Variants in DOCK7 observed in about 807,000 individuals in gnomAD.
DOCK7 encodes dedicator of cytokinesis protein 7.
Under a neutral mutation model 271.0 loss-of-function variants are expected in DOCK7, and 138 were observed. The observed-to-expected ratio is 0.51, with a 90% CI of 0.44 to 0.59. The LOEUF (loss-of-function observed/expected upper bound fraction) is 0.59, where lower values mean the gene tolerates loss of function less well. Ranked by LOEUF, DOCK7 falls within the 20% of genes least tolerant of loss-of-function variation. DOCK7 has a pLI of 0.00. For synonymous variants in DOCK7, 823 were observed against 876.1 expected (o/e 0.94, Z 1.07); for missense variants, 2,066 against 2,592.4 (o/e 0.80, Z 4.41).
intron 22 of DOCK7, among the ~76,000 whole-genome samples, chr1:62,545,259 A>G (rs2149404817): frequency 6.6e-6 from 1 of 152,288 alleles, no homozygotes; most frequent in African/African-American, 2.4e-5. Context: ...CATTAAGTAT[A>G]GTATTTAAAG....
At chr1:62,687,421 G>C (rs1228763325) in intron 1 of DOCK7, among the ~76,000 whole-genome samples, 2 of 152,210 alleles carry the variant, frequency 1.3e-5, no homozygotes, top group East Asian at 1.9e-4. Context: ...TTTACTTCAA[G>C]ACTGCTAACA....
chr1:62,623,303 T>C (rs1438546031), intron 12 of DOCK7, among the ~76,000 whole-genome samples: 4 of 152,370 alleles, frequency 2.6e-5, no homozygotes, highest in South Asian at 2.1e-4. Context: ...AAATAGTATA[T>C]GCTCATGGTT....
chr1:62,502,792 G>T (rs1175449508), intron 37 of DOCK7, among the ~76,000 whole-genome samples: 1 of 151,982 alleles, frequency 6.6e-6, no homozygotes, highest in Non-Finnish European at 1.5e-5. Flanking sequence ...AAGAGGGAAA[G>T]GCATAACAAA....
chr1:62,582,325 C>T (rs950246884), intron 16 of DOCK7, among the ~76,000 whole-genome samples: 17 of 151,076 alleles, frequency 1.1e-4, no homozygotes, highest in Non-Finnish European at 2.4e-4. Flanking sequence ...CCGAGGCGGG[C>T]GGATCACGAG....
At chr1:62,551,738 C>G (rs1422003889) in intron 22 of DOCK7, among the ~76,000 whole-genome samples, 1 of 151,718 alleles carries the variant, frequency 6.6e-6, no homozygotes, top group African/African-American at 2.4e-5. Flanking sequence ...TAGGACAAGG[C>G]TGACAAATTC....
At chr1:62,524,387 G>C (rs1644938712) in intron 31 of DOCK7, among the ~76,000 whole-genome samples, 1 of 152,028 alleles carries the variant, frequency 6.6e-6, no homozygotes, top group African/African-American at 2.4e-5. Flanking sequence ...CTAAATAAAA[G>C]TATATATATG....
In DOCK7 at chr1:62,455,259, G is replaced by C. The variant is rs79913813; in HGVS notation, c.*155C>G. On this transcript the variant is annotated 3_prime_UTR_variant, in exon 50 of 50. Transcript: ENST00000635253. The stretch of plus-strand genomic sequence containing the variant: ...GAAACCATAGCCATGATTCTCAAGC[G>C]TTAACAATCTACATTTGATATTTTC... 5.0e-6 allele frequency: 4 copies of C among 801,216 alleles called. No individual in the cohort carries two copies. Among genetic ancestry groups the C allele is most frequent in the Non-Finnish European group, 8.4e-6 (4 of 474,254 alleles). The allele number at this position is 801,216 out of a possible 1,614,324, so 49.6% of individuals were successfully genotyped here.
intron 1 of DOCK7, among the ~76,000 whole-genome samples, chr1:62,673,560 A>C (rs1660232538): frequency 1.3e-5 from 2 of 152,210 alleles, no homozygotes; most frequent in Admixed American, 6.5e-5. Context: ...AGAGAAAAGA[A>C]AAGTATCTAC....
chr1:62,513,440 T>G lies in DOCK7; in HGVS notation c.4282+4A>C, dbSNP rs1176020913. The G allele has an allele frequency of 6.3e-7, 1 of 1,584,026 alleles. No individual in the cohort carries two copies. Among genetic ancestry groups the G allele is most frequent in the Admixed American group, 2.0e-5 (1 of 51,162 alleles). ...CAACTCAAGGAAATTGAAGAAATTC[T>G]CACCAGGAGGAGAAGCTATTGTGTA... On this transcript the variant is annotated splice_donor_region_variant and intron_variant, in intron 33 of 49. Coordinates refer to ENST00000635253, the MANE Select transcript of DOCK7 (RefSeq NM_001367561.1).
At chr1:62,475,601 G>T in intron 46 of DOCK7, 106 bp downstream of exon 46, 1 of 1,165,380 alleles carries the variant, frequency 8.6e-7, no homozygotes, top group Non-Finnish European at 1.2e-6. Context: ...GTTCTAATAT[G>T]TTATGGTATA....
chr1:62,681,327 T>C (rs1312036512), intron 1 of DOCK7, among the ~76,000 whole-genome samples: 17 of 140,236 alleles, frequency 1.2e-4, no homozygotes, highest in East Asian at 2.2e-4. Context: ...TAGGTGGGAA[T>C]TGAACAATGA....
At chr1:62,559,780 C>T (rs1026679181) in intron 19 of DOCK7, among the ~76,000 whole-genome samples, 3 of 152,152 alleles carry the variant, frequency 2.0e-5, no homozygotes, top group African/African-American at 7.2e-5. Flanking sequence ...GTCCTGTTTA[C>T]AAGTTTGGCC....
intron 37 of DOCK7, among the ~76,000 whole-genome samples, chr1:62,498,463 C>T (rs971909550): frequency 2.0e-5 from 3 of 152,078 alleles, no homozygotes; most frequent in African/African-American, 4.8e-5. Flanking sequence ...GTGCTTATCT[C>T]GCATTATATT....
At position 62,656,710 on chromosome 1, in the gene DOCK7, T is replaced by C. The variant is rs1658057708; in HGVS notation, c.145-2551A>G. 2.1e-5 allele frequency among the ~76,000 whole-genome samples: 3 copies of C among 142,760 alleles called. No individual in the cohort carries two copies. In the South Asian group the frequency reaches 7.4e-4, roughly 35 times the overall value. 93.7% of individuals were successfully genotyped at this position (142,760 alleles called of 152,430 possible). A position where few individuals can be genotyped will look rare whatever the true frequency, so the allele number is the denominator to read the frequency against. ...GGGAATGGCATGACAGTGAGTTACT[T>C]CAAAATTTCTTTTTGCCTTATACAT... On this transcript the variant is annotated intron_variant, in intron 2 of 49. Coordinates refer to ENST00000635253, the MANE Select transcript of DOCK7 (RefSeq NM_001367561.1).
intron 48 of DOCK7, among the ~76,000 whole-genome samples, chr1:62,459,925 A>G (rs562318497): frequency 5.0e-4 from 76 of 152,036 alleles, no homozygotes; most frequent in East Asian, 3.9e-3. Flanking sequence ...GTGAAACCCC[A>G]TCTCTACTAA....
At chr1:62,604,386 T>G (rs1034199747) in intron 14 of DOCK7, 17 of 1,007,718 alleles carry the variant, frequency 1.7e-5, no homozygotes, top group African/African-American at 6.5e-5. Context: ...ATAATGAAAG[T>G]GTTCATTCTA....
At chr1:62,548,771 C>A (rs1645796668) in intron 22 of DOCK7, among the ~76,000 whole-genome samples, 1 of 152,136 alleles carries the variant, frequency 6.6e-6, no homozygotes, top group Admixed American at 6.5e-5. Context: ...GTGAACAGAG[C>A]ACAGGGTAGA....
intron 4 of DOCK7, among the ~76,000 whole-genome samples, chr1:62,651,252 A>G (rs1216523478): frequency 7.4e-6 from 1 of 135,332 alleles, no homozygotes; most frequent in Non-Finnish European, 1.5e-5. Flanking sequence ...CAATGAGAAC[A>G]TGTGGAGACA....
intron 21 of DOCK7, 148 bp downstream of exon 21, chr1:62,555,677 C>T (rs1646116792): frequency 3.8e-6 from 3 of 790,406 alleles, no homozygotes; most frequent in South Asian, 2.4e-5. Context: ...AACTTCAGCA[C>T]CTAGCACAGT....
Sources: allele counts gnomAD v4.1 joint callset (sites outside exome capture counted in the v4.1 genomes callset), GRCh38; gene constraint gnomAD v4.1.1; transcripts MANE v1.5; gene names NCBI Gene and HGNC (gene_info 2026-07-23, HGNC 2026-07-21).